Variants in ZNF804B observed in about 807,000 individuals in gnomAD.
ZNF804B encodes zinc finger 804B.
Under a neutral mutation model 101.4 loss-of-function variants are expected in ZNF804B, and 80 were observed. That is an observed-to-expected ratio of 0.79 (90% confidence interval 0.66 to 0.95). ZNF804B has a LOEUF of 0.95. ZNF804B is among the 40% of genes least tolerant of loss of function. The probability of loss-of-function intolerance (pLI) is 0.00; values close to 1 mark genes in which losing one functional copy is unlikely to be tolerated. For missense variants in ZNF804B, 1,673 were observed against 1,561.9 expected (o/e 1.07, Z -1.20); for synonymous variants, 622 against 558.8 (o/e 1.11, Z -1.59).
chr7:89,116,882 A>T (rs1012113917), intron 1 of ZNF804B, among the ~76,000 whole-genome samples: 2 of 152,208 alleles, frequency 1.3e-5, no homozygotes, highest in Admixed American at 6.5e-5. Context: ...ATATTACTTT[A>T]TGTGGCAAAT....
chr7:89,030,243 G>A (rs1230620630), intron 1 of ZNF804B, among the ~76,000 whole-genome samples: 3 of 152,128 alleles, frequency 2.0e-5, no homozygotes, highest in African/African-American at 7.2e-5. Flanking sequence ...ATAGTTTAGT[G>A]TCATCTGAAG....
intron 1 of ZNF804B, among the ~76,000 whole-genome samples, chr7:88,876,471 C>T (rs910473397): frequency 2.6e-5 from 4 of 152,020 alleles, no homozygotes; most frequent in African/African-American, 7.2e-5. Context: ...TACAATTATC[C>T]CTTTGATCAA....
intron 1 of ZNF804B, among the ~76,000 whole-genome samples, chr7:88,782,094 T>G (rs1790236308): frequency 7.5e-6 from 1 of 133,826 alleles, no homozygotes; most frequent in East Asian, 2.4e-4. Context: ...CCAGCTTTTG[T>G]GTGAGTGCGT....
intron 1 of ZNF804B, among the ~76,000 whole-genome samples, chr7:88,970,344 G>GCCCCCCCC (rs3034350): frequency 4.2e-5 from 6 of 144,134 alleles, no homozygotes; most frequent in South Asian, 2.2e-4. Flanking sequence ...TTATTCTGAT[G>GCCCCCCCC]CCCCCCCCCC....
At chr7:89,266,960 T>C (rs1789805477) in intron 2 of ZNF804B, among the ~76,000 whole-genome samples, 1 of 152,052 alleles carries the variant, frequency 6.6e-6, no homozygotes, top group African/African-American at 2.4e-5. Context: ...ACCAATATTT[T>C]GTGAATCAAT....
chr7:89,201,107 A>G (rs570709819), intron 1 of ZNF804B, among the ~76,000 whole-genome samples: 43 of 151,948 alleles, frequency 2.8e-4, no homozygotes, highest in East Asian at 9.7e-4. Flanking sequence ...AATGAAAGTT[A>G]TTTTTTTCAT....
intron 1 of ZNF804B, among the ~76,000 whole-genome samples, chr7:88,955,950 G>A (rs976668806): frequency 6.6e-6 from 1 of 151,574 alleles, no homozygotes; most frequent in African/African-American, 2.4e-5. Context: ...TTTCTGAAAA[G>A]AAGATATACA....
intron 1 of ZNF804B, among the ~76,000 whole-genome samples, chr7:89,113,302 A>G (rs1044820438): frequency 6.6e-6 from 1 of 152,206 alleles, no homozygotes; most frequent in Non-Finnish European, 1.5e-5. Flanking sequence ...ACGGGCCTCA[A>G]TGGCATGCAA....
At chr7:89,044,939 A>G (rs185602580) in intron 1 of ZNF804B, among the ~76,000 whole-genome samples, 62 of 152,290 alleles carry the variant, frequency 4.1e-4, no homozygotes, top group Admixed American at 7.2e-4. Flanking sequence ...TGGGGAAAAT[A>G]TTTCCAGGTC....
At chr7:89,144,638 A>G (rs893106234) in intron 1 of ZNF804B, among the ~76,000 whole-genome samples, 1 of 152,004 alleles carries the variant, frequency 6.6e-6, no homozygotes, top group African/African-American at 2.4e-5. Flanking sequence ...ATTATGCAAC[A>G]TGGTGACTAG....
chr7:88,775,017 G>A (rs1001936715), intron 1 of ZNF804B, among the ~76,000 whole-genome samples: 1 of 152,150 alleles, frequency 6.6e-6, no homozygotes, highest in Non-Finnish European at 1.5e-5. Context: ...ACTGTTACAG[G>A]TACCGGTGAT....
intron 1 of ZNF804B, among the ~76,000 whole-genome samples, chr7:88,898,049 C>T (rs968073458): frequency 1.3e-5 from 2 of 149,638 alleles, no homozygotes; most frequent in African/African-American, 4.9e-5. Flanking sequence ...GCTACCCCAC[C>T]TCCTTCCTAT....
intron 1 of ZNF804B, 73 bp from the exon 2 acceptor site, chr7:89,218,082 C>A: frequency 6.9e-7 from 1 of 1,443,982 alleles, no homozygotes; most frequent in Non-Finnish European, 9.5e-7. Flanking sequence ...TTAAATACCA[C>A]CTTGATTAAT....
At chr7:88,794,441 T>G in intron 1 of ZNF804B, 1 of 1,613,908 alleles carries the variant, frequency 6.2e-7, no homozygotes, top group South Asian at 1.1e-5. Flanking sequence ...ATGACCTCCT[T>G]TAGGGACTGT....
chr7:88,928,326 G>A (rs924321581), intron 1 of ZNF804B, among the ~76,000 whole-genome samples: 3 of 152,052 alleles, frequency 2.0e-5, no homozygotes, highest in African/African-American at 7.2e-5. Context: ...CTCTAATTAG[G>A]AAAACTTATT....
At chr7:89,053,732 C>G (rs1789245795) in intron 1 of ZNF804B, among the ~76,000 whole-genome samples, 1 of 151,854 alleles carries the variant, frequency 6.6e-6, no homozygotes, top group Non-Finnish European at 1.5e-5. Context: ...CTCTTTCTCT[C>G]TCTCTCTCTG....
chr7:88,902,338 T>C (rs1792404887), intron 1 of ZNF804B, among the ~76,000 whole-genome samples: 1 of 152,064 alleles, frequency 6.6e-6, no homozygotes, highest in African/African-American at 2.4e-5. Context: ...TCCCAAAGCA[T>C]TCAAATTAAT....
chr7:89,157,215 T>C (rs1407010276), intron 1 of ZNF804B, among the ~76,000 whole-genome samples: 1 of 152,200 alleles, frequency 6.6e-6, no homozygotes, highest in Admixed American at 6.5e-5. Flanking sequence ...ATATTTCTCT[T>C]ATTCTGTAAA....
intron 1 of ZNF804B, among the ~76,000 whole-genome samples, chr7:89,019,514 A>G (rs576924343): frequency 1.2e-4 from 19 of 152,148 alleles, no homozygotes; most frequent in Non-Finnish European, 2.5e-4. Flanking sequence ...CGTGCACTGT[A>G]ACTTTGATGT....
Sources: gnomAD v4.1 joint callset for allele counts (sites outside exome capture counted in the v4.1 genomes callset) on GRCh38, gnomAD v4.1.1 for gene constraint, MANE v1.5 for transcripts, NCBI Gene and HGNC (gene_info 2026-07-23, HGNC 2026-07-21) for gene names.